Variants in YARS1 observed in about 807,000 individuals in gnomAD.
The protein encoded by YARS1 is tyrosyl-tRNA synthetase 1.
A neutral mutation model predicts 62.2 loss-of-function variants in YARS1; 36 were observed. That is an observed-to-expected ratio of 0.58 (90% CI 0.44 to 0.76). The LOEUF (loss-of-function observed/expected upper bound fraction) is 0.76, where lower values mean the gene tolerates loss of function less well. Among genes scored for constraint, YARS1 ranks in the 30% least tolerant of loss-of-function variants. YARS1 has a pLI of 0.00. For missense variants in YARS1, 524 were observed against 639.8 expected, an observed-to-expected ratio of 0.82 and a Z score of 1.95; for synonymous variants, 234 against 244.9, an observed-to-expected ratio of 0.96 and a Z score of 0.42.
chr1:32,777,646 G>A (rs967928758), intron 12 of YARS1, among the ~76,000 whole-genome samples: 1 of 152,004 alleles, frequency 6.6e-6, no homozygotes, highest in African/African-American at 2.4e-5. Flanking sequence ...AAAAATCATG[G>A]TCAGGTACAG....
At chr1:32,811,233 T>C in intron 1 of YARS1, 176 bp from the exon 2 acceptor site, 1 of 992,446 alleles carries the variant, frequency 1.0e-6, no homozygotes, top group Admixed American at 1.8e-5. Context: ...TAATCTGAAT[T>C]GACTCTCCCT....
At chr1:32,797,049 T>G (rs1172472284) in intron 5 of YARS1, among the ~76,000 whole-genome samples, 15 of 80,192 alleles carry the variant, frequency 1.9e-4, no homozygotes, top group African/African-American at 5.1e-4. Flanking sequence ...TATATATATA[T>G]AGTAAGCATT....
chr1:32,795,147 G>A (rs182379253), intron 5 of YARS1, among the ~76,000 whole-genome samples: 10 of 151,008 alleles, frequency 6.6e-5, no homozygotes, highest in East Asian at 2.0e-4. Flanking sequence ...GTGAAACCCC[G>A]TCTCTATTAA....
chr1:32,814,637 G>T (rs111331078), intron 1 of YARS1, among the ~76,000 whole-genome samples: 2 of 152,158 alleles, frequency 1.3e-5, no homozygotes, highest in African/African-American at 4.8e-5. Flanking sequence ...TGATCTGCCC[G>T]TGTGGGCCTC....
chr1:32,799,114 G>A (rs1569750241), intron 4 of YARS1, among the ~76,000 whole-genome samples: 1 of 152,218 alleles, frequency 6.6e-6, no homozygotes, highest in South Asian at 2.1e-4. Flanking sequence ...TGTGGGCTAA[G>A]CTTGGTTTTG....
chr1:32,775,585 G>A lies in YARS1; in HGVS notation c.*396C>T, dbSNP rs1158280425. 4.5e-6 allele frequency: 1 copy of A among 221,018 alleles called. No individual in the cohort carries two copies. The highest frequency in any genetic ancestry group is 9.2e-6 in the Non-Finnish European group (1 of 108,612). 13.7% of individuals were successfully genotyped at this position (221,018 alleles called of 1,614,324 possible). A position where few individuals can be genotyped will look rare whatever the true frequency, so the allele number is the denominator to read the frequency against. On this transcript the variant is annotated 3_prime_UTR_variant, in exon 13 of 13. Coordinates refer to ENST00000373477, the MANE Select transcript of YARS1 (RefSeq NM_003680.4). The stretch of plus-strand genomic sequence containing the variant: ...TTGGGGAGAAGCTGTAATTAGCCTA[G>A]TCCAGGTACCAGATCCCAGCTAGGG...
At position 32,817,287 on chromosome 1, in the gene YARS1, G is replaced by A. The variant is rs370967878; in HGVS notation, c.-43C>T. ...TTCCCCCGCTCAGCCCGGCACCAGA[G>A]CCCCTTCCTGGGTCACCGTCGCCGC... On this transcript the variant is annotated 5_prime_UTR_variant, in exon 1 of 13. Transcript: ENST00000373477. The A allele has an allele frequency of 1.9e-6, 3 of 1,611,400 alleles. No individual in the cohort carries two copies. Among genetic ancestry groups the A allele is most frequent in the Non-Finnish European group, 2.5e-6 (3 of 1,178,708 alleles).
At chr1:32,803,809 A>T (rs1459481468) in intron 4 of YARS1, among the ~76,000 whole-genome samples, 1 of 151,870 alleles carries the variant, frequency 6.6e-6, no homozygotes, top group Non-Finnish European at 1.5e-5. Flanking sequence ...GCAGGGTCAT[A>T]GGACAATAGT....
At position 32,780,712 on chromosome 1, in the gene YARS1, G is replaced by A. The variant is rs138336661; in HGVS notation, c.1140+336C>T. 3.2e-3 allele frequency: 1,377 copies of A among 430,070 alleles called. 12 individuals are homozygous for A. Among genetic ancestry groups the A allele is most frequent in the African/African-American group, 0.024 (1,199 of 49,772 alleles). 26.6% of individuals were successfully genotyped at this position (430,070 alleles called of 1,614,324 possible). A position where few individuals can be genotyped will look rare whatever the true frequency, so the allele number is the denominator to read the frequency against. On this transcript the variant is annotated intron_variant, in intron 10 of 12. Coordinates refer to ENST00000373477, the MANE Select transcript of YARS1 (RefSeq NM_003680.4). The stretch of plus-strand genomic sequence containing the variant: ...AGTCTTCCCTCCACCACTTTCTGAA[G>A]GGGGCAAAGTGGCCCATCCAAGATA...
intron 4 of YARS1, among the ~76,000 whole-genome samples, chr1:32,800,851 G>A (rs1638268305): frequency 6.6e-6 from 1 of 152,158 alleles, no homozygotes; most frequent in African/African-American, 2.4e-5. Flanking sequence ...GGGATTACAG[G>A]CGTAAGCCAC....
At chr1:32,806,392 G>A (rs1050888729) in intron 4 of YARS1, 90 bp downstream of exon 4, 115 of 1,598,352 alleles carry the variant, frequency 7.2e-5, no homozygotes, top group Non-Finnish European at 8.6e-5. Context: ...CAATATCTGC[G>A]TAGTGCAGTA....
At chr1:32,799,624 A>C (rs1356838300) in intron 4 of YARS1, among the ~76,000 whole-genome samples, 1 of 152,250 alleles carries the variant, frequency 6.6e-6, no homozygotes, top group Non-Finnish European at 1.5e-5. Context: ...AGCATTATCC[A>C]ACAGAATCTT....
At chr1:32,808,561 T>G (rs1638514002) in intron 3 of YARS1, among the ~76,000 whole-genome samples, 1 of 152,154 alleles carries the variant, frequency 6.6e-6, no homozygotes, top group South Asian at 2.1e-4. Context: ...TAACTTTATT[T>G]ATCCCACCTT....
intron 6 of YARS1, 152 bp from the exon 7 acceptor site, chr1:32,787,227 T>TG: frequency 2.3e-6 from 2 of 877,764 alleles, no homozygotes; most frequent in Non-Finnish European, 3.5e-6. Flanking sequence ...CCTCCTGGGC[T>TG]CAAGAGATTC....
intron 4 of YARS1, among the ~76,000 whole-genome samples, chr1:32,805,046 C>G (rs1053430837): frequency 2.6e-5 from 4 of 152,136 alleles, no homozygotes; most frequent in Non-Finnish European, 4.4e-5. Flanking sequence ...GCCCGGCCAA[C>G]ACAGCGAAAC....
chr1:32,810,820 C>T lies in YARS1; in HGVS notation c.205-54G>A, dbSNP rs1324548569. On this transcript the variant is annotated intron_variant, in intron 2 of 12. Transcript: ENST00000373477. The stretch of plus-strand genomic sequence containing the variant: ...TGTGAATTTGTCCAATTACCTCCAA[C>T]CTGTCTCCTCCAGCCCCACCCTGTC... The T allele has an allele frequency of 4.3e-6, 7 of 1,614,028 alleles. No individual in the cohort carries two copies. In the Admixed American group the frequency reaches 1.0e-4, roughly 23 times the overall value.
chr1:32,794,643 G>A (rs989813069), intron 5 of YARS1, among the ~76,000 whole-genome samples: 1 of 151,912 alleles, frequency 6.6e-6, no homozygotes, highest in Non-Finnish European at 1.5e-5. Flanking sequence ...GCCTGTCTTG[G>A]CCTCCCAAAG....
intron 8 of YARS1, chr1:32,783,201 T>C (rs1035939343): frequency 3.3e-5 from 5 of 153,498 alleles, no homozygotes; most frequent in Admixed American, 1.3e-4. Flanking sequence ...AACAGCTATA[T>C]CTCACAGGAT....
chr1:32,786,813 G>T, intron 7 of YARS1, 127 bp downstream of exon 7: 1 of 1,266,978 alleles, frequency 7.9e-7, no homozygotes. Flanking sequence ...TAATATATAA[G>T]AAATCAGAGC....
Sources: gnomAD v4.1 joint callset for allele counts (sites outside exome capture counted in the v4.1 genomes callset) on GRCh38, gnomAD v4.1.1 for gene constraint, MANE v1.5 for transcripts, NCBI Gene and HGNC (gene_info 2026-07-23, HGNC 2026-07-21) for gene names.